The following MTUS2 variants were observed in gnomAD, a reference collection of about 807,000 sequenced individuals.
MTUS2 encodes the protein microtubule-associated tumor suppressor candidate 2.
Under a neutral mutation model 114.1 loss-of-function variants are expected in MTUS2, and 40 were observed. The ratio of observed to expected loss-of-function variants is 0.35; its 90% CI spans 0.27 to 0.46. The LOEUF (loss-of-function observed/expected upper bound fraction) is 0.46. MTUS2 is among the 20% of genes least tolerant of loss of function. The probability of loss-of-function intolerance (pLI) is 1.00; values close to 1 mark genes in which losing one functional copy is unlikely to be tolerated. For synonymous variants in MTUS2, 688 were observed against 672.0 expected (o/e 1.02, Z -0.37); for missense variants, 1,679 against 1,705.4 (o/e 0.98, Z 0.27).
chr13:29,385,080 A>T (rs1872544259), intron 8 of MTUS2, among the ~76,000 whole-genome samples: 2 of 152,200 alleles, frequency 1.3e-5, no homozygotes, highest in Admixed American at 1.3e-4. Flanking sequence ...TTCAGCAGGG[A>T]GCAAGACCAA....
intron 8 of MTUS2, among the ~76,000 whole-genome samples, chr13:29,422,950 A>G (rs1196776096): frequency 2.6e-5 from 4 of 152,080 alleles, no homozygotes; most frequent in Admixed American, 6.5e-5. Context: ...TTTTATGCCA[A>G]ATTACAACAG....
intron 5 of MTUS2, among the ~76,000 whole-genome samples, chr13:29,103,046 G>C (rs1427528192): frequency 6.6e-6 from 1 of 152,162 alleles, no homozygotes; most frequent in African/African-American, 2.4e-5. Flanking sequence ...TGTGGTATCA[G>C]AATCGGTCCT....
chr13:28,957,179 C>T (rs975631497), intron 2 of MTUS2, among the ~76,000 whole-genome samples: 9 of 152,230 alleles, frequency 5.9e-5, no homozygotes, highest in South Asian at 2.1e-4. Context: ...GTACTTTGGC[C>T]CATTAGCATG....
chr13:29,304,781 A>C (rs951200059), intron 6 of MTUS2, among the ~76,000 whole-genome samples: 1 of 152,206 alleles, frequency 6.6e-6, no homozygotes, highest in Non-Finnish European at 1.5e-5. Context: ...CCCTGGATCA[A>C]GTGGACTTGA....
At position 28,950,435 on chromosome 13, in the gene MTUS2, A is replaced by T. The variant is rs555536185; in HGVS notation, c.-242-74022A>T. Among the ~76,000 whole-genome samples the T allele has an allele frequency of 2.0e-5, 3 of 152,368 alleles. No homozygotes were observed. In the East Asian group the frequency reaches 5.8e-4, roughly 29 times the overall value. On this transcript the variant is annotated intron_variant, in intron 2 of 15. Transcript: ENST00000612955. Reference sequence around the variant, plus strand: ...ATGTTAATGACAATTTTTGATACATAGAAGTCTTTTAGTGTAGTCAGATTT... The same window carrying T: ...ATGTTAATGACAATTTTTGATACATTGAAGTCTTTTAGTGTAGTCAGATTT...
At chr13:28,921,205 C>T (rs978340496) in intron 2 of MTUS2, among the ~76,000 whole-genome samples, 1 of 152,206 alleles carries the variant, frequency 6.6e-6, no homozygotes, top group Non-Finnish European at 1.5e-5. Context: ...GGCCTATCAC[C>T]TGGGTATGGC....
At chr13:28,933,638 T>C (rs935770530) in intron 2 of MTUS2, among the ~76,000 whole-genome samples, 1 of 152,238 alleles carries the variant, frequency 6.6e-6, no homozygotes, top group Non-Finnish European at 1.5e-5. Context: ...TGACATGATA[T>C]AGACTTTGCC....
At chr13:29,341,678 TG>T (rs1015864208) in intron 7 of MTUS2, among the ~76,000 whole-genome samples, 56 of 152,284 alleles carry the variant, frequency 3.7e-4, no homozygotes, top group African/African-American at 1.2e-3. Context: ...CTCTTTTTAT[TG>T]CATTTGCTTT....
Position 28,917,534 on chromosome 13 carries a change from A to T in MTUS2, c.-243+77684A>T, listed in dbSNP as rs114739960. 4.3e-3 allele frequency among the ~76,000 whole-genome samples: 641 copies of T among 149,932 alleles called. 1 individual carries two copies. Among genetic ancestry groups the T allele is most frequent in the African/African-American group, 0.015 (615 of 41,012 alleles). On this transcript the variant is annotated intron_variant, in intron 2 of 15. Transcript: ENST00000612955. ...ATTTATCTCATAGTAGCCACTAATG[A>T]TTCTTTGAATTTCTATGATATCAGT...
At chr13:29,255,550 T>G (rs1262847452) in intron 5 of MTUS2, among the ~76,000 whole-genome samples, 1 of 152,190 alleles carries the variant, frequency 6.6e-6, no homozygotes, top group Non-Finnish European at 1.5e-5. Flanking sequence ...GAAACATACA[T>G]AAGGACCAAC....
rs541204556 is a variant in MTUS2 at position 29,418,213 on chromosome 13, G to A, written c.3118-21770G>A. Among the ~76,000 whole-genome samples the A allele has an allele frequency of 9.2e-5, 14 of 152,152 alleles. No homozygotes were observed. In the South Asian group the frequency reaches 2.9e-3, roughly 32 times the overall value. ...TTTTCTCCCAGTGAACAGTTACCTC[G>A]GTAAAAGGCAATAGGTCCCCTAGAG... On this transcript the variant is annotated intron_variant, in intron 8 of 15. Transcript: ENST00000612955.
At chr13:28,974,024 T>C (rs763007796) in intron 2 of MTUS2, among the ~76,000 whole-genome samples, 1 of 152,154 alleles carries the variant, frequency 6.6e-6, no homozygotes, top group Non-Finnish European at 1.5e-5. Context: ...ATGGAACAGT[T>C]CTTCACTCCT....
At chr13:29,277,388 TAAC>T (rs985259531) in intron 5 of MTUS2, among the ~76,000 whole-genome samples, 35 of 152,364 alleles carry the variant, frequency 2.3e-4, no homozygotes, top group African/African-American at 8.2e-4. Flanking sequence ...TCATGGAACT[TAAC>T]AAGCTGATTC....
At chr13:28,992,899 A>C (rs1451079032) in intron 2 of MTUS2, among the ~76,000 whole-genome samples, 2 of 152,154 alleles carry the variant, frequency 1.3e-5, no homozygotes, top group South Asian at 4.2e-4. Context: ...CTCTCCCCAC[A>C]GCCCCTGGCA....
At chr13:29,016,135 C>G (rs1886056064) in intron 2 of MTUS2, among the ~76,000 whole-genome samples, 1 of 152,098 alleles carries the variant, frequency 6.6e-6, no homozygotes. Flanking sequence ...AAATTCCTGA[C>G]CTCATGATCC....
chr13:29,208,097 T>C (rs1173559867), intron 5 of MTUS2, among the ~76,000 whole-genome samples: 1 of 152,134 alleles, frequency 6.6e-6, no homozygotes, highest in Non-Finnish European at 1.5e-5. Flanking sequence ...ATCATTTCAG[T>C]CTTGCTGCTT....
intron 2 of MTUS2, among the ~76,000 whole-genome samples, chr13:28,945,066 T>C (rs1423428777): frequency 6.6e-6 from 1 of 152,094 alleles, no homozygotes; most frequent in East Asian, 1.9e-4. Context: ...TGGTGAGAAA[T>C]GCAGTATTTG....
intron 5 of MTUS2, among the ~76,000 whole-genome samples, chr13:29,214,971 A>AT (rs1364922392): frequency 6.6e-6 from 1 of 151,614 alleles, no homozygotes; most frequent in Non-Finnish European, 1.5e-5. Flanking sequence ...ACTTGGTTCC[A>AT]TTCTTTCTGT....
chr13:29,255,422 A>G (rs1440584932), intron 5 of MTUS2, among the ~76,000 whole-genome samples: 4 of 152,140 alleles, frequency 2.6e-5, no homozygotes, highest in Admixed American at 1.3e-4. Context: ...CACAAAACTA[A>G]AGAACTCACC....
Sources: gnomAD v4.1 joint callset for allele counts (sites outside exome capture counted in the v4.1 genomes callset) on GRCh38, gnomAD v4.1.1 for gene constraint, MANE v1.5 for transcripts, NCBI Gene and HGNC (gene_info 2026-07-23, HGNC 2026-07-21) for gene names.